FBLN7: variants seen among roughly 807,000 people sequenced by gnomAD.
FBLN7 encodes fibulin-7.
A neutral mutation model predicts 44.0 loss-of-function variants in FBLN7; 31 were observed. The observed-to-expected ratio is 0.70, with a 90% CI of 0.53 to 0.95. FBLN7 has a LOEUF of 0.95. FBLN7 is among the 40% of genes least tolerant of loss of function. The pLI, the probability that FBLN7 is intolerant of heterozygous loss-of-function variation, is 0.00. For missense variants in FBLN7, 573 were observed against 618.5 expected (o/e 0.93, Z 0.78); for synonymous variants, 262 against 253.4 (o/e 1.03, Z -0.32).
chr2:112,184,302 T>C (rs946106931), intron 6 of FBLN7, among the ~76,000 whole-genome samples: 1 of 152,142 alleles, frequency 6.6e-6, no homozygotes, highest in African/African-American at 2.4e-5. Flanking sequence ...GGCTCCTCCA[T>C]GGGCTGACGT....
the FBLN7 span, among the ~76,000 whole-genome samples, chr2:112,197,231 G>GA: frequency 4.9e-5 from 3 of 61,370 alleles, no homozygotes; most frequent in African/African-American, 1.6e-4. Flanking sequence ...ATCCGTAAGA[G>GA]AAAACACACA....
At chr2:112,206,555 G>C in the FBLN7 span, among the ~76,000 whole-genome samples, 1 of 152,056 alleles carries the variant, frequency 6.6e-6, no homozygotes, top group Non-Finnish European at 1.5e-5. Flanking sequence ...CCAAGTAGCT[G>C]GAACTACAGA....
intron 4 of FBLN7, 130 bp downstream of exon 4, chr2:112,175,969 G>C: frequency 8.4e-7 from 1 of 1,184,652 alleles, no homozygotes; most frequent in African/African-American, 1.5e-5. Context: ...TTTCCTCTCT[G>C]TTTCACATCC....
In FBLN7 at chr2:112,165,935, G is replaced by A. The variant is rs571412461; in HGVS notation, c.406+764G>A. Among the ~76,000 whole-genome samples, 65 of 152,394 alleles carry A rather than the reference G, an allele frequency of 4.3e-4. No homozygotes were observed. The South Asian group carries it at 4.6e-3, about 11-fold the overall frequency. On this transcript the variant is annotated intron_variant, in intron 3 of 7. Coordinates refer to ENST00000331203, the MANE Select transcript of FBLN7 (RefSeq NM_153214.3). Reference sequence around the variant, plus strand: ...ACCAGTCATTTTCAGAGCAAGGTTCGTGGGACATCTGCTGAGGCAGAATGT... The same window carrying A: ...ACCAGTCATTTTCAGAGCAAGGTTCATGGGACATCTGCTGAGGCAGAATGT...
At chr2:112,197,722 TA>T in the FBLN7 span, among the ~76,000 whole-genome samples, 5 of 152,336 alleles carry the variant, frequency 3.3e-5, no homozygotes, top group East Asian at 9.6e-4. Context: ...CTTTCTTTGC[TA>T]ATGATCTTGG....
At chr2:112,173,079 T>C (rs993213703) in intron 3 of FBLN7, among the ~76,000 whole-genome samples, 5 of 152,020 alleles carry the variant, frequency 3.3e-5, no homozygotes, top group Admixed American at 2.6e-4. Flanking sequence ...GGAAAATAGG[T>C]GCAAATGAAA....
Position 112,181,791 on chromosome 2 carries a change from C to A in FBLN7, c.585C>A (p.Arg195=), listed in dbSNP as rs886346448. The A allele has an allele frequency of 1.4e-6, 2 of 1,462,734 alleles. No individual in the cohort carries two copies. The highest frequency in any genetic ancestry group is 2.6e-5 in the South Asian group (2 of 76,364). 90.6% of individuals were successfully genotyped at this position (1,462,734 alleles called of 1,614,324 possible). A position where few individuals can be genotyped will look rare whatever the true frequency, so the allele number is the denominator to read the frequency against. Residue 195 remains arginine (R), a synonymous_variant, in exon 5 of 8, where the codon CGC becomes CGA. Transcript: ENST00000331203. ...AGDSAFSRAP[R]CAQVERAQHC... is the part of the protein sequence containing the mutation. The stretch of plus-strand genomic sequence containing the variant: ...ACTCCGCCTTCAGCCGCGCGCCGCG[C>A]TGTGCGCAGGTGGAGCGGGCTCAGC...
chr2:112,168,481 C>T (rs1682283660), intron 3 of FBLN7, among the ~76,000 whole-genome samples: 1 of 152,170 alleles, frequency 6.6e-6, no homozygotes, highest in South Asian at 2.1e-4. Context: ...GCCACGGCCC[C>T]TCCTAAGTGA....
the FBLN7 span, among the ~76,000 whole-genome samples, chr2:112,200,459 A>G: frequency 6.6e-6 from 1 of 152,226 alleles, no homozygotes; most frequent in Non-Finnish European, 1.5e-5. Context: ...TTCTCGAATT[A>G]CCTGAGCAGA....
intron 3 of FBLN7, among the ~76,000 whole-genome samples, chr2:112,167,884 TGTTATGTTATGTTATG>T (rs1682248321): frequency 3.1e-5 from 1 of 32,300 alleles, no homozygotes; most frequent in African/African-American, 1.9e-4. Flanking sequence ...TGTTATGTTA[TGTTATGTTATGTTATG>T]TTATGTTATG....
intron 1 of FBLN7, among the ~76,000 whole-genome samples, chr2:112,139,288 T>C (rs36228464): frequency 0.45 from 249 of 556 alleles, 7 homozygotes; most frequent in Admixed American, 0.47. Context: ...TCTCTCCAGG[T>C]CAGCGTCCCT....
the FBLN7 span, chr2:112,213,878 CAGAATTTT>C: frequency 6.9e-6 from 1 of 145,756 alleles, no homozygotes; most frequent in Non-Finnish European, 1.5e-5. Flanking sequence ...ACCTGTCACA[CAGAATTTT>C]AGAAATGAGA....
chr2:112,183,092 A>G (rs1683085267), intron 6 of FBLN7, among the ~76,000 whole-genome samples, 164 bp downstream of exon 6: 1 of 152,384 alleles, frequency 6.6e-6, no homozygotes, highest in African/African-American at 2.4e-5. Context: ...GTCAGGCCAC[A>G]TTATCATCTA....
At chr2:112,195,571 G>C in the FBLN7 span, among the ~76,000 whole-genome samples, 3 of 152,190 alleles carry the variant, frequency 2.0e-5, no homozygotes, top group Non-Finnish European at 4.4e-5. Flanking sequence ...CAGCTCCCAG[G>C]GGGTGCCAGA....
intron 2 of FBLN7, among the ~76,000 whole-genome samples, chr2:112,160,136 G>C (rs541961736): frequency 3.9e-5 from 6 of 151,926 alleles, no homozygotes; most frequent in South Asian, 2.1e-4. Flanking sequence ...GACTACAGGC[G>C]CCCGCCACCA....
chr2:112,201,582 A>G, the FBLN7 span, among the ~76,000 whole-genome samples: 1 of 152,114 alleles, frequency 6.6e-6, no homozygotes, highest in Non-Finnish European at 1.5e-5. Flanking sequence ...ACAGCCCTCC[A>G]GAACTGCAGG....
chr2:112,208,043 C>T, the FBLN7 span, among the ~76,000 whole-genome samples: 2 of 152,180 alleles, frequency 1.3e-5, no homozygotes, highest in Non-Finnish European at 2.9e-5. Context: ...GGAAAGCAGC[C>T]ATAGACAACA....
the FBLN7 span, chr2:112,230,836 G>A: frequency 5.8e-6 from 6 of 1,038,910 alleles, no homozygotes; most frequent in Middle Eastern, 2.3e-4. Flanking sequence ...ACCCTATTGA[G>A]GTTGCATGCC....
chr2:112,183,368 TAGTG>T (rs947203365), intron 6 of FBLN7, among the ~76,000 whole-genome samples: 2 of 152,108 alleles, frequency 1.3e-5, no homozygotes, highest in African/African-American at 2.4e-5. Context: ...ACTTATGTCT[TAGTG>T]AGGTCGGGCG....
Sources: gnomAD v4.1 joint callset for allele counts (sites outside exome capture counted in the v4.1 genomes callset) on GRCh38, gnomAD v4.1.1 for gene constraint, MANE v1.5 for transcripts, NCBI Gene and HGNC (gene_info 2026-07-23, HGNC 2026-07-21) for gene names.